Variants in KATNBL1 observed in about 807,000 individuals in gnomAD.
KATNBL1 encodes the protein katanin regulatory subunit B1 like 1, also known as KATNB1-like protein 1.
KATNBL1 carries 28 observed loss-of-function variants against 44.7 expected under a neutral mutation model. That is an observed-to-expected ratio of 0.63 (90% CI 0.46 to 0.86). The LOEUF is 0.86. KATNBL1 is among the 40% of genes least tolerant of loss of function. The pLI, the probability that KATNBL1 is intolerant of heterozygous loss-of-function variation, is 0.00. For synonymous variants in KATNBL1, 78 were observed against 114.9 expected (o/e 0.68, Z 2.06); for missense variants, 272 against 350.7 (o/e 0.78, Z 1.79).
At chr15:34,208,987 G>A (rs565220818) in intron 1 of KATNBL1, 1 of 152,112 alleles carries the variant, frequency 6.6e-6, no homozygotes, top group Admixed American at 6.5e-5. Context: ...TGTCAAAATG[G>A]GGACAACAGT....
Position 34,165,194 on chromosome 15 carries a change from G to A in KATNBL1, c.-14-1504C>T, listed in dbSNP as rs138350604. Among the ~76,000 whole-genome samples, 300 of 152,262 alleles carry A rather than the reference G, an allele frequency of 2.0e-3. 2 individuals carry two copies. The highest frequency in any genetic ancestry group is 6.6e-3 in the African/African-American group (274 of 41,560). ...AGAACTGAAAGGCGTGAAGCAACAC[G>A]GTTTGTTTGGCAATCTCTTAAGTAG... On this transcript the variant is annotated intron_variant, in intron 1 of 9. Transcript: ENST00000256544.
intron 1 of KATNBL1, among the ~76,000 whole-genome samples, chr15:34,164,521 A>G (rs1257532795): frequency 4.6e-5 from 3 of 65,804 alleles, no homozygotes; most frequent in African/African-American, 9.1e-5. Context: ...TCTACCTTTG[A>G]AAAAAAAAAA....
At chr15:34,148,022 T>C (rs763028757) in intron 5 of KATNBL1, among the ~76,000 whole-genome samples, 32 of 152,080 alleles carry the variant, frequency 2.1e-4, no homozygotes, top group Non-Finnish European at 3.4e-4. Flanking sequence ...GCCTGGCTTA[T>C]TATTTTTATT....
chr15:34,195,542 A>G (rs982951307), intron 1 of KATNBL1, among the ~76,000 whole-genome samples: 12 of 152,100 alleles, frequency 7.9e-5, no homozygotes, highest in African/African-American at 1.2e-4. Context: ...CAATATATCA[A>G]TGTAGCAAAA....
intron 2 of KATNBL1, among the ~76,000 whole-genome samples, chr15:34,160,738 G>A (rs1888774518): frequency 6.6e-6 from 1 of 152,024 alleles, no homozygotes; most frequent in Non-Finnish European, 1.5e-5. Context: ...TACCTTACTT[G>A]GGGTATTTCC....
chr15:34,205,161 T>C (rs181426470), intron 1 of KATNBL1, among the ~76,000 whole-genome samples: 4 of 152,208 alleles, frequency 2.6e-5, no homozygotes, highest in Non-Finnish European at 5.9e-5. Flanking sequence ...ACCCAACTAA[T>C]TTTTTGTATT....
chr15:34,189,887 C>T (rs1358735926), intron 1 of KATNBL1, among the ~76,000 whole-genome samples: 2 of 151,596 alleles, frequency 1.3e-5, no homozygotes, highest in East Asian at 3.9e-4. Flanking sequence ...TGTATGTATT[C>T]AATCCAGCAT....
intron 1 of KATNBL1, among the ~76,000 whole-genome samples, chr15:34,180,278 A>AT (rs1191777597): frequency 6.6e-6 from 1 of 151,806 alleles, no homozygotes; most frequent in Non-Finnish European, 1.5e-5. Context: ...CTGAAAAAAA[A>AT]AATGCGTCTT....
chr15:34,199,826 A>T (rs1890127953), intron 1 of KATNBL1: 1 of 151,836 alleles, frequency 6.6e-6, no homozygotes, highest in Non-Finnish European at 1.5e-5. Flanking sequence ...ATTTATTGTG[A>T]AGACGGAAAG....
At chr15:34,152,104 C>A (rs544739041) in intron 4 of KATNBL1, among the ~76,000 whole-genome samples, 2 of 152,092 alleles carry the variant, frequency 1.3e-5, no homozygotes, top group Admixed American at 6.6e-5. Flanking sequence ...TCATGCCCGG[C>A]TCATTTTTGT....
At chr15:34,161,050 C>A (rs1188557407) in intron 2 of KATNBL1, among the ~76,000 whole-genome samples, 1 of 152,186 alleles carries the variant, frequency 6.6e-6, no homozygotes, top group Non-Finnish European at 1.5e-5. Context: ...ACCCAGACTC[C>A]TTTACAGGAG....
chr15:34,151,566 G>A lies in KATNBL1; in HGVS notation c.438+1224C>T, dbSNP rs112488422. 3.2e-3 allele frequency among the ~76,000 whole-genome samples: 453 copies of A among 143,442 alleles called. 5 individuals are homozygous for A. Among genetic ancestry groups the A allele is most frequent in the African/African-American group, 0.011 (433 of 39,180 alleles). 94.1% of individuals were successfully genotyped at this position (143,442 alleles called of 152,430 possible). ...TCCCGGGTTCAAGCAATTCTTGAGC[G>A]TCAGCCTCCCAAGTAGCTGGCATTA... is the stretch of plus-strand genomic sequence containing the variant. On this transcript the variant is annotated intron_variant, in intron 4 of 9. Coordinates refer to ENST00000256544, the MANE Select transcript of KATNBL1 (RefSeq NM_024713.3).
intron 1 of KATNBL1, among the ~76,000 whole-genome samples, chr15:34,193,851 C>CAAAAAAAAAAAAAAAAA (rs58951561): frequency 1.6e-5 from 1 of 63,552 alleles, no homozygotes; most frequent in Non-Finnish European, 2.8e-5. Context: ...GGCCCTGTCT[C>CAAAAAAAAAAAAAAAAA]AAAAAAAAAA....
chr15:34,203,698 T>C (rs991565750), intron 1 of KATNBL1, among the ~76,000 whole-genome samples: 1 of 152,248 alleles, frequency 6.6e-6, no homozygotes, highest in Non-Finnish European at 1.5e-5. Context: ...ATCTATTTTT[T>C]CTTTTTTTGA....
chr15:34,164,672 A>C (rs974629017), intron 1 of KATNBL1, among the ~76,000 whole-genome samples: 10 of 152,220 alleles, frequency 6.6e-5, no homozygotes, highest in Admixed American at 5.2e-4. Flanking sequence ...TCACGTTGGA[A>C]ATTTATTTTA....
intron 4 of KATNBL1, among the ~76,000 whole-genome samples, chr15:34,151,598 T>G (rs913735167): frequency 2.6e-5 from 4 of 151,268 alleles, no homozygotes; most frequent in Admixed American, 2.0e-4. Flanking sequence ...ATTACAGGCG[T>G]GCACCACCAC....
At chr15:34,143,913 G>C (rs1888229522) in intron 9 of KATNBL1, among the ~76,000 whole-genome samples, 1 of 128,530 alleles carries the variant, frequency 7.8e-6, no homozygotes, top group Non-Finnish European at 1.6e-5. Flanking sequence ...CTTGTAGTGA[G>C]CCGAGATTGC....
chr15:34,181,251 T>C (rs1889515746), intron 1 of KATNBL1, among the ~76,000 whole-genome samples: 1 of 152,148 alleles, frequency 6.6e-6, no homozygotes, highest in East Asian at 1.9e-4. Flanking sequence ...GTTGGCACAA[T>C]TTTAATCCAT....
At chr15:34,208,225 T>C (rs1595373120) in intron 1 of KATNBL1, among the ~76,000 whole-genome samples, 1 of 152,224 alleles carries the variant, frequency 6.6e-6, no homozygotes, top group Non-Finnish European at 1.5e-5. Flanking sequence ...ATCCAATGTG[T>C]AGTCTTCTAT....
Sources: allele counts gnomAD v4.1 joint callset (sites outside exome capture counted in the v4.1 genomes callset), GRCh38; gene constraint gnomAD v4.1.1; transcripts MANE v1.5; gene names NCBI Gene and HGNC (gene_info 2026-07-23, HGNC 2026-07-21).